PRDM15: variants seen among roughly 807,000 people sequenced by gnomAD.
The protein encoded by PRDM15 is PR/SET domain 15.
A neutral mutation model predicts 128.6 loss-of-function variants in PRDM15; 64 were observed. The ratio of observed to expected loss-of-function variants is 0.50; its 90% confidence interval spans 0.41 to 0.61. PRDM15 has a LOEUF of 0.61. Ranked by LOEUF, PRDM15 falls within the 20% of genes least tolerant of loss-of-function variation. PRDM15 has a pLI of 0.00. For synonymous variants in PRDM15, 615 were observed against 621.8 expected (o/e 0.99, Z 0.16); for missense variants, 1,242 against 1,569.1 (o/e 0.79, Z 3.52).
At chr21:41,868,299 G>A (rs968824180) in intron 1 of PRDM15, among the ~76,000 whole-genome samples, 15 of 152,310 alleles carry the variant, frequency 9.8e-5, no homozygotes, top group African/African-American at 2.6e-4. Flanking sequence ...AGGAGCAATC[G>A]TGTACAGGTT....
At chr21:41,835,394 G>A (rs769053255) in intron 11 of PRDM15, 43 bp downstream of exon 11, 7 of 1,518,998 alleles carry the variant, frequency 4.6e-6, no homozygotes, top group Admixed American at 1.7e-5. Flanking sequence ...TCTAGAATCC[G>A]TACCGCACAG....
At chr21:41,848,109 A>G (rs1230477301) in intron 5 of PRDM15, among the ~76,000 whole-genome samples, 2 of 152,250 alleles carry the variant, frequency 1.3e-5, no homozygotes, top group Non-Finnish European at 2.9e-5. Flanking sequence ...TACAGCCTGC[A>G]TTGAAGTTCA....
At position 41,798,613 on chromosome 21, in the gene PRDM15, G is replaced by A. The variant is rs888733872; in HGVS notation, c.*2627C>T. 6.6e-6 allele frequency: 1 copy of A among 152,240 alleles called. No homozygotes were observed. The highest frequency in any genetic ancestry group is 2.1e-4 in the South Asian group (1 of 4,832). The allele number at this position is 152,240 out of a possible 1,614,324, so 9.4% of individuals were successfully genotyped here. On this transcript the variant is annotated 3_prime_UTR_variant, in exon 24 of 24. Transcript: ENST00000398548. ...GCCTCCCCGCAAGACTCACACCAGT[G>A]GATGGCACTCGAGTCCACAGCTGCA...
In PRDM15 at chr21:41,840,271, C is replaced by T. The variant is rs980668631; in HGVS notation, c.641-418G>A. Among the ~76,000 whole-genome samples, 24 of 152,060 alleles carry T rather than the reference C, an allele frequency of 1.6e-4. 1 individual carries two copies. The South Asian group carries it at 4.1e-3, about 26-fold the overall frequency. ...ACCAGCCTGGCAAACATGGTGAAAA[C>T]CCATCTCTAATAAAAATACAAAAAG... is the stretch of plus-strand genomic sequence containing the variant. On this transcript the variant is annotated intron_variant, in intron 6 of 23. Transcript: ENST00000398548.
At position 41,828,345 on chromosome 21, in the gene PRDM15, G is replaced by A; in HGVS notation, c.1367-12C>T. On this transcript the variant is annotated splice_polypyrimidine_tract_variant and intron_variant, in intron 11 of 23. Transcript: ENST00000398548. The surrounding 1 kb of genome is among the most constrained non-coding windows in gnomAD (Gnocchi z 5.7). ...GAACGTCTTGTCATCTGTCCAGAGAGCAAACAAACACACAACGATTTTGAG... is the reference window on the plus strand; with the variant it reads ...GAACGTCTTGTCATCTGTCCAGAGAACAAACAAACACACAACGATTTTGAG... 4 of 1,613,444 alleles carry A rather than the reference G, an allele frequency of 2.5e-6. No homozygotes were observed. The highest frequency in any genetic ancestry group is 1.7e-4 in the Middle Eastern group (1 of 6,056).
chr21:41,813,780 C>G (rs1371994361), intron 19 of PRDM15: 1 of 112,352 alleles, frequency 8.9e-6, no homozygotes, highest in African/African-American at 3.3e-5. Context: ...CTAGTGTTTT[C>G]TAAGATCTTG....
chr21:41,834,678 C>T, intron 11 of PRDM15: 1 of 750,968 alleles, frequency 1.3e-6, no homozygotes, highest in South Asian at 1.6e-5. Context: ...GAAGGTGTGA[C>T]TCCCACATCC....
chr21:41,838,726 C>T (rs543772489), intron 7 of PRDM15, among the ~76,000 whole-genome samples: 14 of 152,340 alleles, frequency 9.2e-5, no homozygotes, highest in South Asian at 2.1e-4. Flanking sequence ...GGCTTTCAGG[C>T]GCTCCTAAAT....
rs2146091936 is a variant in PRDM15 at position 41,878,893 on chromosome 21, C to T, written c.-10+377G>A. ...GCGCCCACGGGCGAGCGCGGCCCGG[C>T]AGCCCCGCGGCCCCGCGCTGGGCCT... is the stretch of plus-strand genomic sequence containing the variant. On this transcript the variant is annotated intron_variant, in intron 1 of 23. Transcript: ENST00000398548. The T allele has an allele frequency of 6.3e-6, 6 of 957,140 alleles. No individual in the cohort carries two copies. The South Asian group carries it at 1.4e-4, about 23-fold the overall frequency. The allele number at this position is 957,140 out of a possible 1,614,324, so 59.3% of individuals were successfully genotyped here. A position where few individuals can be genotyped will look rare whatever the true frequency, so the allele number is the denominator to read the frequency against.
intron 11 of PRDM15, among the ~76,000 whole-genome samples, chr21:41,831,746 C>G (rs897443290): frequency 2.6e-5 from 4 of 152,208 alleles, no homozygotes; most frequent in Non-Finnish European, 5.9e-5. Flanking sequence ...CCTCCCACAG[C>G]TCCAACCACG....
At position 41,854,840 on chromosome 21, in the gene PRDM15, G is replaced by A. The variant is rs2063532255; in HGVS notation, c.286-22C>T. 3 of 1,584,762 alleles carry A rather than the reference G, an allele frequency of 1.9e-6. No individual in the cohort carries two copies. Among genetic ancestry groups the A allele is most frequent in the East Asian group, 2.3e-5 (1 of 44,382 alleles). On this transcript the variant is annotated intron_variant, in intron 4 of 23. Transcript: ENST00000398548. The surrounding 1 kb of genome is among the most constrained non-coding windows in gnomAD (Gnocchi z 4.6). The stretch of plus-strand genomic sequence containing the variant: ...ACACCTGAAGGTGAGTCGGCCCATG[G>A]AGAAGCCGGGGAAATGGCTGATTAC...
intron 21 of PRDM15, among the ~76,000 whole-genome samples, chr21:41,805,872 A>G (rs560527279): frequency 1.3e-5 from 2 of 150,718 alleles, no homozygotes; most frequent in South Asian, 4.3e-4. Context: ...TAACAACACC[A>G]TCACCACCCC....
intron 1 of PRDM15, chr21:41,878,944 GGCAGGGGACGGGGGCGCGGA>G (rs1376028602): frequency 2.1e-6 from 2 of 963,252 alleles, no homozygotes; most frequent in African/African-American, 3.6e-5. Context: ...GGGGGCGCGA[GGCAGGGGACGGGGGCGCGGA>G]GCCCGGCCAG....
chr21:41,861,542 C>CA lies in PRDM15; in HGVS notation c.-9-1171_-9-1170insT, dbSNP rs113218375. ...ATGATTATTCCTCCTCTGCCCCCCC[C>CA]CAATCCCCAACTGTGCGCACCGGCA... On this transcript the variant is annotated intron_variant, in intron 1 of 23. Transcript: ENST00000398548. The CA allele has an allele frequency of 8.3e-6, 13 of 1,564,060 alleles. No individual in the cohort carries two copies. In the South Asian group the frequency reaches 1.3e-4, roughly 16 times the overall value.
At chr21:41,874,088 A>G (rs1419441971) in intron 1 of PRDM15, among the ~76,000 whole-genome samples, 2 of 144,062 alleles carry the variant, frequency 1.4e-5, no homozygotes, top group Admixed American at 1.4e-4. Context: ...AAAAAAAAAA[A>G]GCAAACTGAG....
intron 5 of PRDM15, among the ~76,000 whole-genome samples, chr21:41,848,793 C>T (rs1207307357): frequency 1.3e-5 from 2 of 152,216 alleles, no homozygotes; most frequent in Non-Finnish European, 2.9e-5. Flanking sequence ...ACTAGAAAAA[C>T]TTGTCATGAC....
chr21:41,835,857 A>T (rs1465910199), intron 10 of PRDM15, among the ~76,000 whole-genome samples: 1 of 148,994 alleles, frequency 6.7e-6, no homozygotes, highest in Non-Finnish European at 1.5e-5. Flanking sequence ...ACCCGCTCTC[A>T]TCCCTCCTGG....
chr21:41,821,471 C>T lies in PRDM15; in HGVS notation c.1897-241G>A, dbSNP rs1188369090. ...ACAAACCACCCTCCTTTTTGGAGAGCCCCTTCCATGCACAGGGGAGGCCTC... is the reference window on the plus strand; with the variant it reads ...ACAAACCACCCTCCTTTTTGGAGAGTCCCTTCCATGCACAGGGGAGGCCTC... On this transcript the variant is annotated intron_variant, in intron 15 of 23. Transcript: ENST00000398548. This position sits in a 1 kb window ranked among gnomAD's most constrained non-coding sequence, Gnocchi z 5.4. Among the ~76,000 whole-genome samples, 1 of 152,182 alleles carries T rather than the reference C, an allele frequency of 6.6e-6. No individual in the cohort carries two copies. Among genetic ancestry groups the T allele is most frequent in the African/African-American group, 2.4e-5 (1 of 41,436 alleles).
rs1275453620 is a variant in PRDM15 at position 41,879,025 on chromosome 21, C to T, written c.-10+245G>A. Reference sequence around the variant, plus strand: ...CGGGCGGGCGGCGCGCAGGGCGATCCCGGAGCGGCTCCGGGAAATCCAGCC... The same window carrying T: ...CGGGCGGGCGGCGCGCAGGGCGATCTCGGAGCGGCTCCGGGAAATCCAGCC... On this transcript the variant is annotated intron_variant, in intron 1 of 23. Transcript: ENST00000398548. The surrounding 1 kb of genome is among the most constrained non-coding windows in gnomAD (Gnocchi z 5.1). 2 of 1,082,184 alleles carry T rather than the reference C, an allele frequency of 1.8e-6. No individual in the cohort carries two copies. The highest frequency in any genetic ancestry group is 2.4e-5 in the South Asian group (1 of 41,518). 67.0% of individuals were successfully genotyped at this position (1,082,184 alleles called of 1,614,324 possible). A position where few individuals can be genotyped will look rare whatever the true frequency, so the allele number is the denominator to read the frequency against.
Sources: gnomAD v4.1 joint callset for allele counts (sites outside exome capture counted in the v4.1 genomes callset) on GRCh38, gnomAD v4.1.1 for gene constraint, Gnocchi (gnomAD v3.1) non-coding constraint, MANE v1.5 for transcripts, NCBI Gene and HGNC (gene_info 2026-07-23, HGNC 2026-07-21) for gene names.